The following CMIP variants were observed in gnomAD, a reference collection of about 807,000 sequenced individuals.
CMIP encodes the protein C-Maf-inducing protein.
In CMIP, 13 loss-of-function variants were observed where a neutral mutation model predicts 97.3. That is an observed-to-expected ratio of 0.13 (90% CI 0.09 to 0.21). The LOEUF (loss-of-function observed/expected upper bound fraction) is 0.21. Ranked by LOEUF, CMIP falls within the 10% of genes least tolerant of loss-of-function variation. CMIP has a pLI of 1.00. For synonymous variants in CMIP, 538 were observed against 436.3 expected (o/e 1.23, Z -2.91); for missense variants, 847 against 1,024.9 (o/e 0.83, Z 2.37).
At chr16:81,581,147 G>C (rs2091289985) in intron 1 of CMIP, among the ~76,000 whole-genome samples, 1 of 152,170 alleles carries the variant, frequency 6.6e-6, no homozygotes, top group South Asian at 2.1e-4. Context: ...TTGTCTGTAT[G>C]TATCATTTTT....
At chr16:81,448,528 G>A (rs1370421592) in intron 1 of CMIP, among the ~76,000 whole-genome samples, 4 of 152,318 alleles carry the variant, frequency 2.6e-5, no homozygotes, top group Middle Eastern at 3.4e-3. Context: ...CTGTCTTACC[G>A]GTGGAGCCAG....
chr16:81,485,496 C>A (rs190394159), intron 1 of CMIP, among the ~76,000 whole-genome samples: 1 of 152,302 alleles, frequency 6.6e-6, no homozygotes, highest in Non-Finnish European at 1.5e-5. Flanking sequence ...GTAGACACTC[C>A]CCAGGTGATT....
chr16:81,491,008 C>T (rs868849290), intron 1 of CMIP, among the ~76,000 whole-genome samples: 103 of 152,094 alleles, frequency 6.8e-4, no homozygotes, highest in African/African-American at 2.4e-3. Context: ...GTGGAGGGGT[C>T]GAGATTTGAA....
chr16:81,476,489 C>T (rs772095362), intron 1 of CMIP: 8 of 735,752 alleles, frequency 1.1e-5, no homozygotes, highest in Admixed American at 3.6e-5. Flanking sequence ...CCGTTGACAG[C>T]GATGTCAGAG....
At chr16:81,690,404 A>G (rs1248078841) in intron 10 of CMIP, among the ~76,000 whole-genome samples, 1 of 152,184 alleles carries the variant, frequency 6.6e-6, no homozygotes, top group African/African-American at 2.4e-5. Context: ...GGTATTTAGC[A>G]TCAACTCTTA....
chr16:81,678,224 C>A, intron 9 of CMIP, 51 bp from the exon 10 acceptor site: 1 of 1,374,170 alleles, frequency 7.3e-7, no homozygotes, highest in Non-Finnish European at 9.8e-7. Context: ...GGTCATGGTG[C>A]ATCATGAACG....
Position 81,607,575 on chromosome 16 carries a change from G to C in CMIP, c.309G>C (p.Gly103=). ...DNSLASATPT[G]YMENSVSYSA... The stretch of plus-strand genomic sequence containing the variant: ...TTCTTTTTTTGCTGCAGCCAACTGG[G>C]TACATGGAAAACTCAGTCTCCTACA... The change falls in exon 2 of 21, where the codon GGG becomes GGC. Residue 103 remains glycine (G), a synonymous_variant. Coordinates refer to ENST00000537098, the MANE Select transcript of CMIP (RefSeq NM_198390.3). 2 of 1,613,796 alleles carry C rather than the reference G, an allele frequency of 1.2e-6. No individual in the cohort carries two copies. The highest frequency in any genetic ancestry group is 1.7e-6 in the Non-Finnish European group (2 of 1,179,882).
intron 1 of CMIP, among the ~76,000 whole-genome samples, chr16:81,589,690 A>G (rs1432382364): frequency 1.3e-5 from 2 of 152,168 alleles, no homozygotes; most frequent in Non-Finnish European, 2.9e-5. Context: ...ATTCAGCGCA[A>G]TGTAGTATTT....
At chr16:81,705,645 G>C (rs1209033578) in intron 19 of CMIP, 41 bp downstream of exon 19, 1 of 1,326,212 alleles carries the variant, frequency 7.5e-7, no homozygotes, top group Admixed American at 2.0e-5. Flanking sequence ...GGGGCCGCTT[G>C]ATTCATTCCT....
intron 3 of CMIP, among the ~76,000 whole-genome samples, chr16:81,633,253 T>G (rs1567622898): frequency 6.6e-6 from 1 of 152,224 alleles, no homozygotes; most frequent in African/African-American, 2.4e-5. Flanking sequence ...CAGCCAGTGG[T>G]GGGCAGTGGA....
intron 1 of CMIP, among the ~76,000 whole-genome samples, chr16:81,558,947 G>A (rs1050559265): frequency 3.3e-5 from 5 of 152,182 alleles, no homozygotes; most frequent in Admixed American, 2.0e-4. Context: ...ACTGGCAGGC[G>A]AGCCCAGTAG....
chr16:81,669,256 A>T, intron 7 of CMIP, among the ~76,000 whole-genome samples: 1 of 78,596 alleles, frequency 1.3e-5, no homozygotes, highest in Non-Finnish European at 2.5e-5. Flanking sequence ...CACCTCTCAC[A>T]CTCACCTCCT....
At chr16:81,609,521 G>A (rs538330816) in intron 2 of CMIP, among the ~76,000 whole-genome samples, 3 of 152,228 alleles carry the variant, frequency 2.0e-5, no homozygotes, top group Admixed American at 6.5e-5. Flanking sequence ...GGCCCCATGC[G>A]TGAAGAGCCC....
intron 1 of CMIP, among the ~76,000 whole-genome samples, chr16:81,531,814 T>C (rs1335178969): frequency 1.3e-5 from 2 of 152,236 alleles, no homozygotes; most frequent in African/African-American, 2.4e-5. Flanking sequence ...CAGAAGATGA[T>C]TGACTAAGAA....
chr16:81,704,943 G>T (rs1265463563), intron 18 of CMIP, among the ~76,000 whole-genome samples: 1 of 151,768 alleles, frequency 6.6e-6, no homozygotes, highest in Non-Finnish European at 1.5e-5. Flanking sequence ...TCGCTGGCCT[G>T]CGGGGGGCTG....
chr16:81,481,722 C>T (rs1197216505), intron 1 of CMIP, among the ~76,000 whole-genome samples: 1 of 152,060 alleles, frequency 6.6e-6, no homozygotes, highest in Non-Finnish European at 1.5e-5. Context: ...CTCGTAGGGG[C>T]TAAAGTTGAG....
chr16:81,686,892 C>T, intron 10 of CMIP, among the ~76,000 whole-genome samples: 1 of 152,170 alleles, frequency 6.6e-6, no homozygotes, highest in East Asian at 1.9e-4. Flanking sequence ...GTCCCGGGAC[C>T]ACCCCTCTGC....
At chr16:81,568,121 A>G (rs534664227) in intron 1 of CMIP, among the ~76,000 whole-genome samples, 4 of 148,848 alleles carry the variant, frequency 2.7e-5, no homozygotes, top group Admixed American at 1.4e-4. Context: ...ACCAAGGTCC[A>G]GAGGGACCAG....
At chr16:81,575,945 A>G (rs1284737896) in intron 1 of CMIP, among the ~76,000 whole-genome samples, 2 of 152,212 alleles carry the variant, frequency 1.3e-5, no homozygotes, top group Non-Finnish European at 2.9e-5. Context: ...TTTCAAAATA[A>G]GAGTAGTTCT....
Sources: gnomAD v4.1 joint callset for allele counts (sites outside exome capture counted in the v4.1 genomes callset) on GRCh38, gnomAD v4.1.1 for gene constraint, MANE v1.5 for transcripts, NCBI Gene and HGNC (gene_info 2026-07-23, HGNC 2026-07-21) for gene names.